USP28: variants seen among roughly 807,000 people sequenced by gnomAD.
USP28 encodes ubiquitin carboxyl-terminal hydrolase 28.
A neutral mutation model predicts 145.0 loss-of-function variants in USP28; 113 were observed. The observed-to-expected ratio is 0.78, with a 90% CI of 0.67 to 0.91. The LOEUF (loss-of-function observed/expected upper bound fraction) is 0.91, where lower values mean the gene tolerates loss of function less well. USP28 is among the 40% of genes least tolerant of loss of function. USP28 has a pLI of 0.00. For synonymous variants in USP28, 447 were observed against 450.9 expected (o/e 0.99, Z 0.11); for missense variants, 1,201 against 1,289.6 (o/e 0.93, Z 1.05).
At chr11:113,846,270 T>C (rs1487119727) in intron 3 of USP28, among the ~76,000 whole-genome samples, 1 of 152,236 alleles carries the variant, frequency 6.6e-6, no homozygotes, top group African/African-American at 2.4e-5. Flanking sequence ...TTATTTAATA[T>C]TTCTGAACTG....
intron 12 of USP28, chr11:113,818,254 C>T (rs1942057529): frequency 6.5e-6 from 1 of 153,824 alleles, no homozygotes; most frequent in Non-Finnish European, 1.4e-5. Context: ...TGGGTTCACG[C>T]CATTCTCCTG....
At chr11:113,845,352 C>T (rs1412440449) in intron 3 of USP28, among the ~76,000 whole-genome samples, 4 of 151,636 alleles carry the variant, frequency 2.6e-5, no homozygotes, top group African/African-American at 9.7e-5. Flanking sequence ...ACGAGAATCA[C>T]TTGTACCCGG....
intron 4 of USP28, 92 bp from the exon 5 acceptor site, chr11:113,840,849 C>A: frequency 1.4e-6 from 2 of 1,423,480 alleles, no homozygotes; most frequent in East Asian, 2.4e-5. Context: ...GTGGATAATT[C>A]AAAACACCAG....
chr11:113,860,958 A>T (rs989203454), intron 1 of USP28, among the ~76,000 whole-genome samples: 2 of 151,452 alleles, frequency 1.3e-5, no homozygotes, highest in African/African-American at 4.9e-5. Context: ...CTCTACTAAA[A>T]ACACAAAAAA....
chr11:113,846,927 G>A (rs1439739268), intron 3 of USP28, among the ~76,000 whole-genome samples: 4 of 151,440 alleles, frequency 2.6e-5, no homozygotes, highest in Non-Finnish European at 5.9e-5. Flanking sequence ...CCCAGGAGGC[G>A]AAGGTTGCAG....
At chr11:113,804,562 G>C in intron 21 of USP28, 111 bp downstream of exon 22, 1 of 909,294 alleles carries the variant, frequency 1.1e-6, no homozygotes, top group South Asian at 1.9e-5. Flanking sequence ...TGAGGGGAAA[G>C]TGGAAGAACA....
At position 113,854,403 on chromosome 11, in the gene USP28, A is replaced by ATAAC; in HGVS notation, c.58-72_58-69dup. Reference sequence around the variant, plus strand: ...AAGTAAACCTGGGTACATTTAAAGAATAACTAAAAGCATCTTGGATAAACA... The same window carrying ATAAC: ...AAGTAAACCTGGGTACATTTAAAGAATAACTAACTAAAAGCATCTTGGATAAACA... On this transcript the variant is annotated intron_variant, in intron 1 of 24. Transcript: ENST00000003302. The ATAAC allele has an allele frequency of 2.7e-6, 4 of 1,466,984 alleles. No homozygotes were observed. The South Asian group carries it at 4.6e-5, about 17-fold the overall frequency. 90.9% of individuals were successfully genotyped at this position (1,466,984 alleles called of 1,614,324 possible). A position where few individuals can be genotyped will look rare whatever the true frequency, so the allele number is the denominator to read the frequency against.
chr11:113,814,509 C>T (rs1486882441), intron 14 of USP28, among the ~76,000 whole-genome samples: 2 of 152,050 alleles, frequency 1.3e-5, no homozygotes, highest in Non-Finnish European at 2.9e-5. Context: ...AGCATGCTTC[C>T]TATAGAAAAG....
chr11:113,856,713 A>T (rs906456408), intron 1 of USP28, among the ~76,000 whole-genome samples: 1 of 152,058 alleles, frequency 6.6e-6, no homozygotes, highest in Non-Finnish European at 1.5e-5. Context: ...ATTTATTTTT[A>T]TTTATTTATT....
chr11:113,829,691 A>T (rs1943766781), intron 9 of USP28, among the ~76,000 whole-genome samples: 1 of 152,080 alleles, frequency 6.6e-6, no homozygotes, highest in Admixed American at 6.6e-5. Context: ...CGGGTGCAGT[A>T]ACACACGCCT....
intron 11 of USP28, among the ~76,000 whole-genome samples, chr11:113,825,828 C>T (rs946022512): frequency 6.6e-6 from 1 of 152,094 alleles, no homozygotes; most frequent in Admixed American, 6.6e-5. Context: ...TTGCCAGGAC[C>T]TGGAGATGGA....
intron 3 of USP28, among the ~76,000 whole-genome samples, chr11:113,851,741 C>T (rs1423391610): frequency 2.0e-5 from 3 of 150,070 alleles, no homozygotes; most frequent in East Asian, 2.0e-4. Context: ...GCGCAGATCG[C>T]GCTATTGCAC....
Position 113,803,736 on chromosome 11 carries a change from T to C in USP28, c.2738+62A>G, listed in dbSNP as rs1939454809. On this transcript the variant is annotated intron_variant, in intron 22 of 24. Transcript: ENST00000003302. ...GGCTGTGACTCTTAGTATTCCCAGG[T>C]AGGCATCTACAGAGAACAGCATCCT... is the stretch of plus-strand genomic sequence containing the variant. The C allele has an allele frequency of 9.7e-6, 13 of 1,346,018 alleles. No individual in the cohort carries two copies. In the South Asian group the frequency reaches 1.5e-4, roughly 15 times the overall value. 83.4% of individuals were successfully genotyped at this position (1,346,018 alleles called of 1,614,324 possible). A position where few individuals can be genotyped will look rare whatever the true frequency, so the allele number is the denominator to read the frequency against.
chr11:113,805,132 CTT>C, intron 19 of USP28, 86 bp from the exon 21 acceptor site: 1 of 1,241,920 alleles, frequency 8.1e-7, no homozygotes, highest in Middle Eastern at 2.5e-4. Context: ...TAGGCAGTCT[CTT>C]GACTCTAAAA....
chr11:113,873,738 T>G (rs1412208306), intron 1 of USP28, among the ~76,000 whole-genome samples: 1 of 142,274 alleles, frequency 7.0e-6, no homozygotes, highest in African/African-American at 2.7e-5. Flanking sequence ...TCTTGACACA[T>G]TTCAATAGGC....
At chr11:113,841,705 A>T in exon 4 of USP28, 1 of 1,613,750 alleles carries the variant, frequency 6.2e-7, no homozygotes, top group Admixed American at 1.7e-5. Context: ...GGGAGACTCC[A>T]GTAGACTCAA....
Position 113,869,719 on chromosome 11 carries a change from G to C in USP28, c.57+5726C>G, listed in dbSNP as rs1948631980. Among the ~76,000 whole-genome samples the C allele has an allele frequency of 2.0e-5, 3 of 152,212 alleles. No homozygotes were observed. The South Asian group carries it at 6.2e-4, about 31-fold the overall frequency. On this transcript the variant is annotated intron_variant, in intron 1 of 24. Coordinates refer to ENST00000003302, the Ensembl canonical transcript of USP28. Reference sequence around the variant, plus strand: ...GGTACATAGCATATGGCAGACACGAGTAATACAAGTGTACATTCCCATGCC... The same window carrying C: ...GGTACATAGCATATGGCAGACACGACTAATACAAGTGTACATTCCCATGCC...
chr11:113,808,350 G>C, exon 18 of USP28: 1 of 1,614,046 alleles, frequency 6.2e-7, no homozygotes, highest in Non-Finnish European at 8.5e-7. Context: ...GGCTGTGTTT[G>C]CAATAGCCTG....
intron 3 of USP28, among the ~76,000 whole-genome samples, chr11:113,850,076 A>T (rs982300652): frequency 6.6e-6 from 1 of 152,194 alleles, no homozygotes; most frequent in Non-Finnish European, 1.5e-5. Context: ...CTGAGGTAGC[A>T]TTTCACAGGA....
Sources: allele counts gnomAD v4.1 joint callset (sites outside exome capture counted in the v4.1 genomes callset), GRCh38; gene constraint gnomAD v4.1.1; transcripts MANE v1.5; gene names NCBI Gene and HGNC (gene_info 2026-07-23, HGNC 2026-07-21).